The following RAP1A variants were observed in gnomAD, a reference collection of about 807,000 sequenced individuals.
RAP1A encodes RAP1A, member of RAS oncogene family, also known as ras-related protein Rap-1A.
Under a neutral mutation model 26.4 loss-of-function variants are expected in RAP1A, and 6 were observed. The observed-to-expected ratio is 0.23, with a 90% CI of 0.12 to 0.45. The LOEUF (loss-of-function observed/expected upper bound fraction) is 0.45, where lower values mean the gene tolerates loss of function less well. Ranked by LOEUF, RAP1A falls within the 20% of genes least tolerant of loss-of-function variation. The pLI is 0.99. For missense variants in RAP1A, 121 were observed against 217.2 expected, an observed-to-expected ratio of 0.56 and a Z score of 2.78; for synonymous variants, 73 against 79.4, an observed-to-expected ratio of 0.92 and a Z score of 0.43.
intron 1 of RAP1A, among the ~76,000 whole-genome samples, chr1:111,566,368 A>G (rs1657918685): frequency 6.6e-6 from 1 of 152,188 alleles, no homozygotes; most frequent in South Asian, 2.1e-4. Context: ...TTGGATAGGT[A>G]TGAAGAATGA....
At chr1:111,619,622 AGCTCCAGGCTTTCCCG>A (rs1659100446), upstream of RAP1A, among the ~76,000 whole-genome samples, 1 of 152,158 alleles carries the variant, frequency 6.6e-6, no homozygotes, top group Non-Finnish European at 1.5e-5. Flanking sequence ...CCTTCCCGGT[AGCTCCAGGCTTTCCCG>A]GCTCCAGTGT....
At chr1:111,705,865 C>A (rs1662172404) in intron 6 of RAP1A, among the ~76,000 whole-genome samples, 1 of 152,330 alleles carries the variant, frequency 6.6e-6, no homozygotes, top group East Asian at 1.9e-4. Flanking sequence ...TGGTTCCTTG[C>A]TGTCCTTGTC....
rs564218569 is a variant in RAP1A at position 111,682,269 on chromosome 1, A to C, written c.-27-9065A>C. ...CCAAAATATGAAGACCAATGAAGCTATGAAGAAACTGCATCAACTAATGTG... is the reference window on the plus strand; with the variant it reads ...CCAAAATATGAAGACCAATGAAGCTCTGAAGAAACTGCATCAACTAATGTG... On this transcript the variant is annotated intron_variant, in intron 1 of 7. Coordinates refer to ENST00000369709, the MANE Select transcript of RAP1A (RefSeq NM_002884.4). Among the ~76,000 whole-genome samples the C allele has an allele frequency of 9.8e-5, 15 of 152,352 alleles. No homozygotes were observed. In the South Asian group the frequency reaches 2.9e-3, roughly 29 times the overall value.
At chr1:111,591,618 G>A (rs1658472846) in intron 1 of RAP1A, among the ~76,000 whole-genome samples, 1 of 152,098 alleles carries the variant, frequency 6.6e-6, no homozygotes, top group African/African-American at 2.4e-5. Flanking sequence ...AAATATCTGA[G>A]CGCATGATGT....
At chr1:111,566,280 C>T (rs972206296) in intron 1 of RAP1A, among the ~76,000 whole-genome samples, 1 of 152,042 alleles carries the variant, frequency 6.6e-6, no homozygotes, top group East Asian at 1.9e-4. Context: ...AGGCAAGAGT[C>T]GGGGGCAGTG....
chr1:111,671,898 G>A (rs1371064107), intron 1 of RAP1A, among the ~76,000 whole-genome samples: 1 of 152,066 alleles, frequency 6.6e-6, no homozygotes, highest in Admixed American at 6.6e-5. Flanking sequence ...CAAACATTTG[G>A]GGATAATGTG....
intron 1 of RAP1A, among the ~76,000 whole-genome samples, chr1:111,574,882 T>C (rs1378501905): frequency 1.3e-5 from 2 of 152,244 alleles, no homozygotes; most frequent in African/African-American, 4.8e-5. Flanking sequence ...AATAATTATG[T>C]GATCTGTGGC....
At chr1:111,603,700 C>T (rs1264304551) in intron 1 of RAP1A, among the ~76,000 whole-genome samples, 1 of 152,184 alleles carries the variant, frequency 6.6e-6, no homozygotes, top group African/African-American at 2.4e-5. Context: ...TTAAAATGTT[C>T]ACAATTGCAG....
intron 1 of RAP1A, among the ~76,000 whole-genome samples, chr1:111,685,891 A>T (rs995252660): frequency 6.6e-5 from 10 of 152,214 alleles, no homozygotes; most frequent in African/African-American, 2.4e-4. Context: ...CCCATCAATG[A>T]TAGACTGGAT....
At chr1:111,700,541 C>T (rs1661988388) in intron 4 of RAP1A, among the ~76,000 whole-genome samples, 1 of 152,184 alleles carries the variant, frequency 6.6e-6, no homozygotes, top group African/African-American at 2.4e-5. Flanking sequence ...GCCTCACCTC[C>T]AACACTGGGG....
chr1:111,567,412 A>C (rs962790991), intron 1 of RAP1A, among the ~76,000 whole-genome samples: 4 of 152,246 alleles, frequency 2.6e-5, no homozygotes, highest in Non-Finnish European at 5.9e-5. Flanking sequence ...TAAATGGCAA[A>C]TCCAGTTCTT....
At chr1:111,704,797 T>C (rs1662134798) in intron 6 of RAP1A, among the ~76,000 whole-genome samples, 1 of 152,222 alleles carries the variant, frequency 6.6e-6, no homozygotes, top group African/African-American at 2.4e-5. Flanking sequence ...CATCACCTTA[T>C]ATTGTAATAA....
At chr1:111,701,102 G>T (rs2101280458) in intron 4 of RAP1A, among the ~76,000 whole-genome samples, 1 of 152,236 alleles carries the variant, frequency 6.6e-6, no homozygotes, top group East Asian at 1.9e-4. Context: ...ATTAAACTCA[G>T]AGTAAAAGCC....
chr1:111,599,441 G>A (rs1426922198), intron 1 of RAP1A, among the ~76,000 whole-genome samples: 13 of 152,098 alleles, frequency 8.5e-5, no homozygotes, highest in South Asian at 2.1e-4. Flanking sequence ...TCCTGACCTC[G>A]TGATCCACCT....
intron 4 of RAP1A, among the ~76,000 whole-genome samples, chr1:111,703,067 A>G (rs1662072541): frequency 6.6e-6 from 1 of 152,228 alleles, no homozygotes; most frequent in South Asian, 2.1e-4. Context: ...AAAATTATTT[A>G]GGATCAAAAG....
intron 1 of RAP1A, among the ~76,000 whole-genome samples, chr1:111,627,740 CA>C (rs56374045): frequency 0.018 from 2,543 of 143,038 alleles, 31 homozygotes; most frequent in Non-Finnish European, 0.026. Flanking sequence ...AATCTGTGAC[CA>C]AAAAAAAAAT....
chr1:111,630,895 G>A (rs1659547695), intron 1 of RAP1A, among the ~76,000 whole-genome samples: 1 of 152,130 alleles, frequency 6.6e-6, no homozygotes. Flanking sequence ...TGAAGATGGT[G>A]TTACTAATAA....
intron 1 of RAP1A, among the ~76,000 whole-genome samples, chr1:111,656,718 C>T (rs1660473236): frequency 1.3e-5 from 2 of 151,934 alleles, no homozygotes; most frequent in African/African-American, 4.8e-5. Flanking sequence ...ACATGGTTCC[C>T]CCCCGCCACT....
At chr1:111,555,490 C>G (rs1454078394) in intron 1 of RAP1A, among the ~76,000 whole-genome samples, 2 of 149,084 alleles carry the variant, frequency 1.3e-5, no homozygotes, top group African/African-American at 5.0e-5. Context: ...AAATAGTAGA[C>G]TCACCCAGAA....
Sources: gnomAD v4.1 joint callset for allele counts (sites outside exome capture counted in the v4.1 genomes callset) on GRCh38, gnomAD v4.1.1 for gene constraint, MANE v1.5 for transcripts, NCBI Gene and HGNC (gene_info 2026-07-23, HGNC 2026-07-21) for gene names.